The following ANO6 variants were observed in gnomAD, a reference collection of about 807,000 sequenced individuals.
The protein encoded by ANO6 is anoctamin 6.
In ANO6, 106 loss-of-function variants were observed where a neutral mutation model predicts 117.5. The observed-to-expected ratio is 0.90, with a 90% CI of 0.77 to 1.06. ANO6 has a LOEUF of 1.06. Among genes scored for constraint, ANO6 ranks in the 50% least tolerant of loss-of-function variants. ANO6 has a pLI of 0.00. For synonymous variants in ANO6, 367 were observed against 385.1 expected, an observed-to-expected ratio of 0.95 and a Z score of 0.55; for missense variants, 955 against 1,121.1, an observed-to-expected ratio of 0.85 and a Z score of 2.12.
At chr12:45,358,945 G>A (rs1941482870) in intron 8 of ANO6, among the ~76,000 whole-genome samples, 1 of 151,872 alleles carries the variant, frequency 6.6e-6, no homozygotes, top group East Asian at 1.9e-4. Context: ...CACCACACCC[G>A]GCTAATTTTT....
intron 9 of ANO6, among the ~76,000 whole-genome samples, chr12:45,371,974 A>G (rs1941853272): frequency 6.6e-6 from 1 of 152,028 alleles, no homozygotes; most frequent in Non-Finnish European, 1.5e-5. Context: ...AAAAGTTTAG[A>G]AGAATGTATA....
chr12:45,426,475 G>A (rs923807764), intron 19 of ANO6, among the ~76,000 whole-genome samples: 5 of 151,918 alleles, frequency 3.3e-5, no homozygotes, highest in African/African-American at 1.2e-4. Flanking sequence ...TGCTGTCCTC[G>A]ATTCCTCTAT....
intron 1 of ANO6, among the ~76,000 whole-genome samples, chr12:45,232,142 T>A (rs1244736274): frequency 6.6e-6 from 1 of 152,200 alleles, no homozygotes; most frequent in Non-Finnish European, 1.5e-5. Context: ...TGCGGTATAT[T>A]TAAGGTGTAG....
At chr12:45,272,292 G>GCAT (rs1258098222) in intron 1 of ANO6, among the ~76,000 whole-genome samples, 4 of 151,734 alleles carry the variant, frequency 2.6e-5, no homozygotes, top group Non-Finnish European at 5.9e-5. Context: ...AGGCTCAGCA[G>GCAT]TGCATTCTGG....
intron 1 of ANO6, among the ~76,000 whole-genome samples, chr12:45,272,186 G>GTTTTTTTT (rs5797936): frequency 6.7e-6 from 1 of 148,868 alleles, no homozygotes; most frequent in Non-Finnish European, 1.5e-5. Flanking sequence ...ACCTTTTTGG[G>GTTTTTTTT]TTTTTTTTTC....
At chr12:45,420,114 C>T (rs895168703) in intron 17 of ANO6, among the ~76,000 whole-genome samples, 8 of 151,898 alleles carry the variant, frequency 5.3e-5, no homozygotes, top group Non-Finnish European at 8.8e-5. Context: ...AAGCAACAAA[C>T]ATAACCATGT....
intron 2 of ANO6, among the ~76,000 whole-genome samples, chr12:45,325,583 T>C (rs1392236557): frequency 6.6e-6 from 1 of 152,202 alleles, no homozygotes; most frequent in Non-Finnish European, 1.5e-5. Context: ...ACATTACCAC[T>C]TCCAGATGAG....
chr12:45,395,058 T>G (rs1942571859), intron 12 of ANO6, among the ~76,000 whole-genome samples: 1 of 152,158 alleles, frequency 6.6e-6, no homozygotes, highest in Non-Finnish European at 1.5e-5. Context: ...AGGAGCTGGT[T>G]TTTTGAAAAG....
intron 18 of ANO6, 151 bp downstream of exon 18, chr12:45,421,424 C>A (rs2137702264): frequency 3.7e-6 from 3 of 812,306 alleles, no homozygotes; most frequent in East Asian, 5.4e-5. Flanking sequence ...AATCAAGCTG[C>A]TAGAGACATT....
intron 1 of ANO6, among the ~76,000 whole-genome samples, chr12:45,248,428 CTTTTT>C (rs35185612): frequency 2.5e-5 from 3 of 120,866 alleles, no homozygotes; most frequent in Admixed American, 8.4e-5. Context: ...AAAAAGTAGA[CTTTTT>C]TTTTTTTTTT....
At chr12:45,289,749 C>G (rs900081663) in intron 1 of ANO6, among the ~76,000 whole-genome samples, 1 of 152,126 alleles carries the variant, frequency 6.6e-6, no homozygotes, top group Non-Finnish European at 1.5e-5. Flanking sequence ...GGAAATGAGA[C>G]CCTATGGGGT....
rs1943648229 is a variant in ANO6 at position 45,432,189 on chromosome 12, A to T, written c.*2878A>T. ...CAGCTTAACTGAAGTAGAACTATTC[A>T]TGATGCTTTTCACACATTGTGGCAT... On this transcript the variant is annotated 3_prime_UTR_variant, in exon 20 of 20. Coordinates refer to ENST00000320560, the MANE Select transcript of ANO6 (RefSeq NM_001025356.3). The T allele has an allele frequency of 1.0e-6, 1 of 984,984 alleles. No individual in the cohort carries two copies. The highest frequency in any genetic ancestry group is 1.7e-5 in the African/African-American group (1 of 57,258). 61.0% of individuals were successfully genotyped at this position (984,984 alleles called of 1,614,324 possible).
downstream of ANO6, among the ~76,000 whole-genome samples, chr12:45,434,641 C>T (rs899708229): frequency 1.3e-5 from 2 of 152,196 alleles, no homozygotes; most frequent in African/African-American, 4.8e-5. Context: ...AAAGGGAAAT[C>T]TCTCTGGAGA....
At chr12:45,285,140 A>G (rs1404768929) in intron 1 of ANO6, among the ~76,000 whole-genome samples, 1 of 152,210 alleles carries the variant, frequency 6.6e-6, no homozygotes, top group Non-Finnish European at 1.5e-5. Context: ...GGAGAATATA[A>G]TCACATGATT....
intron 12 of ANO6, among the ~76,000 whole-genome samples, chr12:45,392,206 C>A (rs1461249460): frequency 6.6e-6 from 1 of 152,242 alleles, no homozygotes; most frequent in East Asian, 1.9e-4. Context: ...CTCTACCATG[C>A]CTGGCTCAGT....
At chr12:45,331,486 A>G (rs1373401633) in intron 3 of ANO6, 63 bp downstream of exon 3, 27 of 1,417,216 alleles carry the variant, frequency 1.9e-5, no homozygotes, top group Non-Finnish European at 2.2e-5. Context: ...AAAAACTGCT[A>G]TTTTGTATAA....
rs906152463 is a variant in ANO6 at position 45,423,123 on chromosome 12, G to C, written c.2526+61G>C. The stretch of plus-strand genomic sequence containing the variant: ...TGTGTATTTGCAGACCTTCCATTAA[G>C]TGTTGCCAACTCCATACTTAACATG... On this transcript the variant is annotated intron_variant, in intron 19 of 19. Transcript: ENST00000320560. 5 of 1,255,216 alleles carry C rather than the reference G, an allele frequency of 4.0e-6. No homozygotes were observed. In the Admixed American group the frequency reaches 6.7e-5, roughly 17 times the overall value. 77.8% of individuals were successfully genotyped at this position (1,255,216 alleles called of 1,614,324 possible). A position where few individuals can be genotyped will look rare whatever the true frequency, so the allele number is the denominator to read the frequency against.
chr12:45,331,321 C>G lies in ANO6; in HGVS notation c.177C>G (p.Ser59=). The G allele has an allele frequency of 6.2e-7, 1 of 1,608,988 alleles. No individual in the cohort carries two copies. ...EFEEFNGKPD[S]LFFNDGQRRI... ...AAGAATTTAATGGAAAACCTGACTC[C>G]CTCTTTTTTAATGATGGCCAGCGAA... The change falls in exon 3 of 20, where the codon TCC becomes TCG. Residue 59 remains serine, a synonymous_variant. Coordinates refer to ENST00000320560, the MANE Select transcript of ANO6 (RefSeq NM_001025356.3).
intron 10 of ANO6, among the ~76,000 whole-genome samples, chr12:45,378,964 C>T (rs1452384416): frequency 6.6e-6 from 1 of 152,146 alleles, no homozygotes. Context: ...ATATTATTTA[C>T]TTTGGGATAG....
Sources: allele counts gnomAD v4.1 joint callset (sites outside exome capture counted in the v4.1 genomes callset), GRCh38; gene constraint gnomAD v4.1.1; transcripts MANE v1.5; gene names NCBI Gene and HGNC (gene_info 2026-07-23, HGNC 2026-07-21).